RETREG1: variants seen among roughly 807,000 people sequenced by gnomAD.
The protein encoded by RETREG1 is family with sequence similarity 134 member B.
Under a neutral mutation model 54.8 loss-of-function variants are expected in RETREG1, and 44 were observed. The ratio of observed to expected loss-of-function variants is 0.80; its 90% CI spans 0.63 to 1.03. The LOEUF is 1.03. RETREG1 is among the 50% of genes least tolerant of loss of function. RETREG1 has a pLI of 0.00. For synonymous variants in RETREG1, 217 were observed against 238.5 expected (o/e 0.91, Z 0.83); for missense variants, 554 against 605.1 (o/e 0.92, Z 0.89).
chr5:16,513,159 T>A (rs973546408), intron 3 of RETREG1, among the ~76,000 whole-genome samples: 1 of 152,206 alleles, frequency 6.6e-6, no homozygotes, highest in African/African-American at 2.4e-5. Context: ...AATTAGAAAC[T>A]GGACTGGGTT....
chr5:16,541,739 GGGAAGGAA>G (rs59287809), intron 3 of RETREG1, among the ~76,000 whole-genome samples: 14,504 of 102,102 alleles, frequency 0.14, 1,126 homozygotes, highest in Admixed American at 0.26. Context: ...GAGGGAGGGA[GGGAAGGAA>G]GGAAGGAAGG....
At chr5:16,607,118 A>G (rs1407855894) in intron 1 of RETREG1, among the ~76,000 whole-genome samples, 1 of 152,158 alleles carries the variant, frequency 6.6e-6, no homozygotes, top group Non-Finnish European at 1.5e-5. Flanking sequence ...ACCACCCAAC[A>G]AAGTAGTAAC....
chr5:16,538,866 G>A (rs975816886), intron 3 of RETREG1, among the ~76,000 whole-genome samples: 17 of 152,150 alleles, frequency 1.1e-4, no homozygotes, highest in Admixed American at 5.9e-4. Flanking sequence ...CACAATGCCC[G>A]GCTAATTTTT....
chr5:16,616,334 T>G, intron 1 of RETREG1: 2 of 333,624 alleles, frequency 6.0e-6, no homozygotes, highest in Non-Finnish European at 5.5e-6. Flanking sequence ...GACCTCAGAG[T>G]TTTAGAAAGC....
intron 3 of RETREG1, among the ~76,000 whole-genome samples, chr5:16,539,083 T>C (rs574031984): frequency 1.4e-4 from 21 of 152,236 alleles, no homozygotes; most frequent in African/African-American, 4.6e-4. Context: ...TCTCCAGACA[T>C]AAAGCCCAGA....
At chr5:16,556,666 A>T (rs1741717219) in intron 3 of RETREG1, among the ~76,000 whole-genome samples, 1 of 152,188 alleles carries the variant, frequency 6.6e-6, no homozygotes, top group Non-Finnish European at 1.5e-5. Context: ...CACTGCTGCC[A>T]GACCCACCTA....
chr5:16,514,230 G>A (rs764073042), intron 3 of RETREG1, among the ~76,000 whole-genome samples: 48 of 152,164 alleles, frequency 3.2e-4, no homozygotes, highest in Non-Finnish European at 4.9e-4. Context: ...CTCTCTAGGA[G>A]CCATCTCCCT....
intron 1 of RETREG1, among the ~76,000 whole-genome samples, chr5:16,588,646 G>A (rs1297678843): frequency 6.6e-6 from 1 of 152,158 alleles, no homozygotes; most frequent in Non-Finnish European, 1.5e-5. Flanking sequence ...ATTCACTCAT[G>A]CTGCTACACT....
At chr5:16,556,021 A>G (rs1476225018) in intron 3 of RETREG1, among the ~76,000 whole-genome samples, 1 of 152,214 alleles carries the variant, frequency 6.6e-6, no homozygotes, top group African/African-American at 2.4e-5. Flanking sequence ...ATAACTCAGG[A>G]TCTGCTAACT....
chr5:16,496,071 A>G (rs1739441810), intron 3 of RETREG1, among the ~76,000 whole-genome samples: 1 of 152,142 alleles, frequency 6.6e-6, no homozygotes, highest in Admixed American at 6.5e-5. Context: ...GTAAAGGATC[A>G]TTCTAAATTT....
chr5:16,488,086 A>G (rs1376380840), intron 3 of RETREG1, among the ~76,000 whole-genome samples: 1 of 152,192 alleles, frequency 6.6e-6, no homozygotes, highest in African/African-American at 2.4e-5. Flanking sequence ...GTCCTAGATG[A>G]TGCTGAGGCA....
intron 1 of RETREG1, among the ~76,000 whole-genome samples, chr5:16,601,296 T>TCTC (rs35398348): frequency 0.58 from 88,516 of 151,392 alleles, 25,981 homozygotes; most frequent in Non-Finnish European, 0.61. Context: ...TAAGCTATGA[T>TCTC]CTCACTGCAC....
At chr5:16,549,001 G>A (rs1741461168) in intron 3 of RETREG1, among the ~76,000 whole-genome samples, 1 of 152,214 alleles carries the variant, frequency 6.6e-6, no homozygotes, top group Admixed American at 6.5e-5. Flanking sequence ...CACAGTAGCA[G>A]AGCTGAAAGC....
chr5:16,490,801 A>G (rs1163326510), intron 3 of RETREG1, among the ~76,000 whole-genome samples: 2 of 152,220 alleles, frequency 1.3e-5, no homozygotes, highest in African/African-American at 4.8e-5. Flanking sequence ...CATGGGGACC[A>G]TTGCAAAGAT....
chr5:16,572,723 G>T (rs1742211948), intron 1 of RETREG1, among the ~76,000 whole-genome samples: 1 of 152,170 alleles, frequency 6.6e-6, no homozygotes, highest in African/African-American at 2.4e-5. Flanking sequence ...GATGGAGAAT[G>T]GAAGTGACCT....
At chr5:16,605,333 C>A (rs527600708) in intron 1 of RETREG1, among the ~76,000 whole-genome samples, 15 of 152,270 alleles carry the variant, frequency 9.9e-5, no homozygotes, top group African/African-American at 3.6e-4. Context: ...GAAGAAAAGG[C>A]GTCCTTCTCA....
rs572015415 is a variant in RETREG1 at position 16,583,817 on chromosome 5, G to A, written c.321-11715C>T. 6.2e-4 allele frequency among the ~76,000 whole-genome samples: 95 copies of A among 152,176 alleles called. 1 individual carries two copies. The South Asian group carries it at 0.02, about 32-fold the overall frequency. On this transcript the variant is annotated intron_variant, in intron 1 of 8. Coordinates refer to ENST00000306320, the MANE Select transcript of RETREG1 (RefSeq NM_001034850.3). ...AAAACATATTTTTTTTGTCTTCAAA[G>A]AAAGACCATCTATGGATAAAAGCAT... is the stretch of plus-strand genomic sequence containing the variant.
At chr5:16,602,276 GA>G (rs1348935884) in intron 1 of RETREG1, among the ~76,000 whole-genome samples, 1 of 152,116 alleles carries the variant, frequency 6.6e-6, no homozygotes, top group Non-Finnish European at 1.5e-5. Flanking sequence ...ACTTTGTCCT[GA>G]CCCCCTGTTT....
chr5:16,562,592 A>G (rs1011876760), intron 3 of RETREG1, among the ~76,000 whole-genome samples: 1 of 152,236 alleles, frequency 6.6e-6, no homozygotes, highest in Non-Finnish European at 1.5e-5. Context: ...TACTTCAGTC[A>G]TAACACATGT....
Sources: allele counts gnomAD v4.1 joint callset (sites outside exome capture counted in the v4.1 genomes callset), GRCh38; gene constraint gnomAD v4.1.1; transcripts MANE v1.5; gene names NCBI Gene and HGNC (gene_info 2026-07-23, HGNC 2026-07-21).